The following SHANK2 variants were observed in gnomAD, a reference collection of about 807,000 sequenced individuals.
The protein encoded by SHANK2 is SH3 and multiple ankyrin repeat domains 2, also known as SH3 and multiple ankyrin repeat domains protein 2.
A neutral mutation model predicts 133.7 loss-of-function variants in SHANK2; 43 were observed. That is an observed-to-expected ratio of 0.32 (90% CI 0.25 to 0.41). The LOEUF is 0.41. Ranked by LOEUF, SHANK2 falls within the 10% of genes least tolerant of loss-of-function variation. The pLI, the probability that SHANK2 is intolerant of heterozygous loss-of-function variation, is 1.00. For missense variants in SHANK2, 1,994 were observed against 2,235.8 expected (o/e 0.89, Z 2.18); for synonymous variants, 1,017 against 952.8 (o/e 1.07, Z -1.24).
chr11:70,601,919 C>T lies in SHANK2; in HGVS notation c.2061+57909G>A, dbSNP rs565399255. On this transcript the variant is annotated intron_variant, in intron 17 of 25. Coordinates refer to ENST00000601538, the MANE Select transcript of SHANK2 (RefSeq NM_012309.5). ...AGCATGGAGCCAGGAGACCTGCCAC[C>T]CAGGTGGCTGGAACGCAGCTGATAC... Among the ~76,000 whole-genome samples, 13 of 152,324 alleles carry T rather than the reference C, an allele frequency of 8.5e-5. No individual in the cohort carries two copies. In the South Asian group the frequency reaches 2.5e-3, roughly 29 times the overall value.
chr11:71,121,749 G>C (rs142326897), intron 3 of SHANK2, among the ~76,000 whole-genome samples: 1,716 of 152,270 alleles, frequency 0.011, 36 homozygotes, highest in African/African-American at 0.039. Flanking sequence ...TGTATAAGGT[G>C]TAAGGAAGGC....
At chr11:70,790,021 C>T (rs1947754675) in intron 14 of SHANK2, among the ~76,000 whole-genome samples, 1 of 152,254 alleles carries the variant, frequency 6.6e-6, no homozygotes, top group Admixed American at 6.5e-5. Context: ...TCGCTGAAAA[C>T]TGCACACACG....
intron 10 of SHANK2, among the ~76,000 whole-genome samples, chr11:70,903,094 C>T (rs983001025): frequency 6.6e-6 from 1 of 152,042 alleles, no homozygotes; most frequent in Non-Finnish European, 1.5e-5. Flanking sequence ...TTAAGTTAGC[C>T]GGCTGGACTC....
At chr11:70,599,913 A>AAGAAAGAAAGAAAGAAAGAT (rs2060463950) in intron 17 of SHANK2, among the ~76,000 whole-genome samples, 2 of 71,770 alleles carry the variant, frequency 2.8e-5, no homozygotes, top group African/African-American at 1.4e-4. Flanking sequence ...AAGAGAAAGA[A>AAGAAAGAAAGAAAGAAAGAT]AGAAAGAAAG....
intron 14 of SHANK2, among the ~76,000 whole-genome samples, chr11:70,757,593 G>A (rs142577486): frequency 1.3e-5 from 2 of 152,362 alleles, no homozygotes; most frequent in East Asian, 3.9e-4. Context: ...ATTCCCAAGG[G>A]AGAAATATTT....
intron 14 of SHANK2, among the ~76,000 whole-genome samples, chr11:70,742,771 G>A (rs1946556309): frequency 6.6e-6 from 1 of 152,242 alleles, no homozygotes; most frequent in Non-Finnish European, 1.5e-5. Context: ...TAAGAGGCAA[G>A]GGGGCGGCCT....
At chr11:71,168,070 G>A (rs1441384866) in intron 2 of SHANK2, among the ~76,000 whole-genome samples, 41 of 140,698 alleles carry the variant, frequency 2.9e-4, no homozygotes, top group African/African-American at 6.1e-4. Context: ...TTCTCAGACG[G>A]GGCGGTTGCC....
chr11:70,591,911 C>T (rs1020905571), intron 17 of SHANK2, among the ~76,000 whole-genome samples: 5 of 151,666 alleles, frequency 3.3e-5, no homozygotes, highest in Admixed American at 6.6e-5. Flanking sequence ...CCCAGCTACT[C>T]GGGAGGCTGA....
Position 70,489,312 on chromosome 11 carries a change from C to T in SHANK2, c.2572+16G>A, listed in dbSNP as rs782226290. The T allele has an allele frequency of 3.1e-5, 50 of 1,611,882 alleles. No homozygotes were observed. Among genetic ancestry groups the T allele is most frequent in the South Asian group, 3.0e-4 (27 of 91,046 alleles). On this transcript the variant is annotated intron_variant, in intron 24 of 25. Transcript: ENST00000601538. ...TACATTCAGATTACAGATTCCAAAC[C>T]GTAAGGTTCACTAACCTGATAGAAA... is the stretch of plus-strand genomic sequence containing the variant.
In SHANK2 at chr11:70,472,864, C is replaced by T. The variant is rs782201644; in HGVS notation, c.*5G>A. On this transcript the variant is annotated 3_prime_UTR_variant, in exon 26 of 26. Transcript: ENST00000601538. The surrounding 1 kb of genome is among the most constrained non-coding windows in gnomAD (Gnocchi z 4.4). ...AGCAGTCTGCGAGGTGGAGAGCAGC[C>T]GTCCTTATCTGTCCAGCAGCTGTTT... is the stretch of plus-strand genomic sequence containing the variant. 6 of 1,613,434 alleles carry T rather than the reference C, an allele frequency of 3.7e-6. No individual in the cohort carries two copies. The highest frequency in any genetic ancestry group is 1.3e-5 in the African/African-American group (1 of 75,032).
rs370787757 is a variant in SHANK2, at chr11:70,577,860, T to TTTTAA, written c.2062-74930_2062-74929insTTAAA. Among the ~76,000 whole-genome samples, 158 of 152,310 alleles carry TTTTAA rather than the reference T, an allele frequency of 1.0e-3. 1 individual carries two copies. The highest frequency in any genetic ancestry group is 3.7e-3 in the African/African-American group (155 of 41,570). On this transcript the variant is annotated intron_variant, in intron 17 of 25. Coordinates refer to ENST00000601538, the MANE Select transcript of SHANK2 (RefSeq NM_012309.5). ...AGCTGATTAAATTAAAATGAGGCCA[T>TTTTAA]TAGGGTGGGCCCTGACCTAGTAGGA... is the stretch of plus-strand genomic sequence containing the variant.
At position 70,940,235 on chromosome 11, in the gene SHANK2, T is replaced by TTC. The variant is rs1302405319; in HGVS notation, c.1108-43670_1108-43669dup. Among the ~76,000 whole-genome samples the TTC allele has an allele frequency of 2.0e-3, 89 of 45,372 alleles. 1 individual carries two copies. Among genetic ancestry groups the TTC allele is most frequent in the African/African-American group, 0.017 (77 of 4,528 alleles). 29.8% of individuals were successfully genotyped at this position (45,372 alleles called of 152,430 possible). On this transcript the variant is annotated intron_variant, in intron 10 of 25. Transcript: ENST00000601538. ...CTTCCCTTCCTCCCTCCCTCCCTTCTTCTCTCTCTCTCTCTCTCTTTCTCT... is the reference window on the plus strand; with the variant it reads ...CTTCCCTTCCTCCCTCCCTCCCTTCTTCTCTCTCTCTCTCTCTCTCTTTCTCT...
intron 11 of SHANK2, among the ~76,000 whole-genome samples, chr11:70,828,976 G>A (rs1948687334): frequency 6.6e-6 from 1 of 152,236 alleles, no homozygotes; most frequent in African/African-American, 2.4e-5. Flanking sequence ...GCCATGGTGT[G>A]GGGAGAGCCT....
chr11:70,759,123 C>T (rs1555039627), intron 14 of SHANK2, among the ~76,000 whole-genome samples: 1 of 151,458 alleles, frequency 6.6e-6, no homozygotes, highest in Non-Finnish European at 1.5e-5. Context: ...CGAGATCACG[C>T]CACTGCACTC....
intron 10 of SHANK2, among the ~76,000 whole-genome samples, chr11:70,952,491 G>A (rs978714713): frequency 2.0e-5 from 3 of 152,170 alleles, no homozygotes; most frequent in Non-Finnish European, 4.4e-5. Context: ...TGGCTGTCTT[G>A]TTCAAATAAA....
At chr11:70,524,149 A>C (rs2059366365) in intron 17 of SHANK2, among the ~76,000 whole-genome samples, 1 of 152,176 alleles carries the variant, frequency 6.6e-6, no homozygotes, top group Non-Finnish European at 1.5e-5. Flanking sequence ...ATCCCATTTT[A>C]CAGATGAGGG....
At chr11:70,731,118 G>A (rs979402090) in intron 14 of SHANK2, among the ~76,000 whole-genome samples, 4 of 152,154 alleles carry the variant, frequency 2.6e-5, no homozygotes, top group Non-Finnish European at 5.9e-5. Flanking sequence ...GGTTAAATGA[G>A]GTTGTAAAGG....
intron 14 of SHANK2, among the ~76,000 whole-genome samples, chr11:70,790,727 G>C (rs1020068630): frequency 2.0e-5 from 3 of 152,136 alleles, no homozygotes; most frequent in African/African-American, 7.2e-5. Flanking sequence ...CGTCCTACTG[G>C]TTCTGTTTCT....
rs1354158849 is a variant in SHANK2, at chr11:70,500,666, A to G, written c.2288-76T>C. ...CCGCAGCCTACACTCGGGCCTTGTC[A>G]GCTCAGGGCGCCTCAGGAGCAGGCT... On this transcript the variant is annotated intron_variant, in intron 20 of 25. Coordinates refer to ENST00000601538, the MANE Select transcript of SHANK2 (RefSeq NM_012309.5). This position sits in a 1 kb window ranked among gnomAD's most constrained non-coding sequence, Gnocchi z 4.5. The G allele has an allele frequency of 5.6e-5, 88 of 1,557,860 alleles. No individual in the cohort carries two copies. Among genetic ancestry groups the G allele is most frequent in the Non-Finnish European group, 7.7e-5 (88 of 1,149,556 alleles).
Sources: allele counts gnomAD v4.1 joint callset (sites outside exome capture counted in the v4.1 genomes callset), GRCh38; gene constraint gnomAD v4.1.1; non-coding constraint Gnocchi (gnomAD v3.1); transcripts MANE v1.5; gene names NCBI Gene and HGNC (gene_info 2026-07-23, HGNC 2026-07-21).